The following SEMA3C variants were observed in gnomAD, a reference collection of about 807,000 sequenced individuals.
SEMA3C encodes semaphorin 3C.
In SEMA3C, 47 loss-of-function variants were observed where a neutral mutation model predicts 89.4. The ratio of observed to expected loss-of-function variants is 0.53; its 90% CI spans 0.42 to 0.67. SEMA3C has a LOEUF of 0.67. Ranked by LOEUF, SEMA3C falls within the 30% of genes least tolerant of loss-of-function variation. SEMA3C has a pLI of 0.00. For synonymous variants in SEMA3C, 310 were observed against 320.2 expected (o/e 0.97, Z 0.34); for missense variants, 839 against 929.1 (o/e 0.90, Z 1.26).
intron 2 of SEMA3C, among the ~76,000 whole-genome samples, chr7:80,836,100 T>C (rs186133775): frequency 6.6e-6 from 1 of 152,310 alleles, no homozygotes; most frequent in East Asian, 1.9e-4. Flanking sequence ...CCAAATTTTC[T>C]TTGCCAGTCG....
intron 2 of SEMA3C, among the ~76,000 whole-genome samples, chr7:80,892,138 G>C (rs1791630094): frequency 6.6e-6 from 1 of 152,014 alleles, no homozygotes; most frequent in African/African-American, 2.4e-5. Flanking sequence ...AGAATTGTAG[G>C]ATCACAGACA....
chr7:80,851,504 T>TAAAAAAAAAAAAAAAAAA (rs35936052), intron 2 of SEMA3C, among the ~76,000 whole-genome samples: 3 of 69,792 alleles, frequency 4.3e-5, no homozygotes, highest in African/African-American at 1.6e-4. Flanking sequence ...CTCTTGTCTT[T>TAAAAAAAAAAAAAAAAAA]AAAAAAAAAA....
chr7:80,768,363 A>C (rs1304937333), intron 12 of SEMA3C, among the ~76,000 whole-genome samples: 1 of 151,910 alleles, frequency 6.6e-6, no homozygotes, highest in Non-Finnish European at 1.5e-5. Flanking sequence ...AAATACAAAA[A>C]ATTAGCCAGG....
At chr7:80,817,132 A>G (rs1789626357) in intron 5 of SEMA3C, among the ~76,000 whole-genome samples, 1 of 152,202 alleles carries the variant, frequency 6.6e-6, no homozygotes, top group Admixed American at 6.5e-5. Context: ...AAGAATTGTA[A>G]TATTTCATAG....
Position 80,751,302 on chromosome 7 carries a change from G to T in SEMA3C, c.1678C>A (p.Pro560Thr). ...SRRQDVRHGN[P>T]LTQCRGFNLK... ...TTAAATCCTCTGCATTGAGTCAGTG[G>T]GTTTCCATGTCTCACATCTTGTCTT... Residue 560 changes from proline (P) to threonine (T), a missense_variant, in exon 16 of 18, where the codon CCA (proline) becomes ACA (threonine). Transcript: ENST00000265361. 6.2e-7 allele frequency: 1 copy of T among 1,613,880 alleles called. No homozygotes were observed. The highest frequency in any genetic ancestry group is 1.6e-4 in the Middle Eastern group (1 of 6,062).
chr7:80,805,732 T>C lies in SEMA3C; in HGVS notation c.565A>G (p.Ile189Val). Residue 189 changes from isoleucine (I) to valine (V), a missense_variant, in exon 7 of 18, where the codon ATA becomes GTA. By Grantham distance (29) the Ile-to-Val change is conservative. Coordinates refer to ENST00000265361, the MANE Select transcript of SEMA3C (RefSeq NM_006379.5). ...INEELFSGMY[I>V]DFMGTDAAIF... The stretch of plus-strand genomic sequence containing the variant: ...GCAGCATCTGTCCCCATGAAATCTA[T>C]ATACATTCCAGAGAAAAGCTCCTCA... 1.2e-6 allele frequency: 2 copies of C among 1,605,646 alleles called. No homozygotes were observed. Among genetic ancestry groups the C allele is most frequent in the Non-Finnish European group, 1.7e-6 (2 of 1,173,372 alleles).
intron 2 of SEMA3C, among the ~76,000 whole-genome samples, chr7:80,864,073 T>C (rs1033118692): frequency 6.6e-6 from 1 of 151,686 alleles, no homozygotes; most frequent in Admixed American, 6.6e-5. Context: ...TAAAAACGAA[T>C]GAATTAACAG....
intron 14 of SEMA3C, among the ~76,000 whole-genome samples, chr7:80,761,178 A>C (rs371757251): frequency 6.6e-6 from 1 of 152,314 alleles, no homozygotes; most frequent in East Asian, 1.9e-4. Flanking sequence ...TAAGCATAAA[A>C]GAATACACTG....
chr7:80,874,285 G>A (rs529954495), intron 2 of SEMA3C, among the ~76,000 whole-genome samples: 6 of 152,194 alleles, frequency 3.9e-5, no homozygotes, highest in African/African-American at 1.4e-4. Context: ...TTCCTTAGGT[G>A]CTTTTCTCAC....
chr7:80,852,911 C>T (rs868282080), intron 2 of SEMA3C, among the ~76,000 whole-genome samples: 1 of 152,168 alleles, frequency 6.6e-6, no homozygotes, highest in South Asian at 2.1e-4. Context: ...ATCTCCTGAC[C>T]TCGTGATCCG....
intron 11 of SEMA3C, among the ~76,000 whole-genome samples, chr7:80,794,081 T>C (rs919891197): frequency 6.6e-6 from 1 of 152,032 alleles, no homozygotes; most frequent in Non-Finnish European, 1.5e-5. Flanking sequence ...ATCTTCCTTA[T>C]ATTTGCCTCC....
chr7:80,905,332 G>A (rs987736170), intron 2 of SEMA3C, among the ~76,000 whole-genome samples: 1 of 122,686 alleles, frequency 8.2e-6, no homozygotes, highest in Non-Finnish European at 1.7e-5. Flanking sequence ...GAGGGGGAGG[G>A]GTGGAGAGAG....
intron 5 of SEMA3C, among the ~76,000 whole-genome samples, chr7:80,815,162 T>G (rs1316872848): frequency 1.3e-5 from 2 of 152,108 alleles, no homozygotes; most frequent in African/African-American, 4.8e-5. Context: ...GAGAAAATAA[T>G]AGAGAGTAGG....
chr7:80,778,083 T>C (rs889804741), intron 12 of SEMA3C, among the ~76,000 whole-genome samples: 1 of 152,328 alleles, frequency 6.6e-6, no homozygotes, highest in South Asian at 2.1e-4. Context: ...ACCCCCATAA[T>C]ATGGTATTGG....
intron 12 of SEMA3C, among the ~76,000 whole-genome samples, chr7:80,775,985 A>C (rs73137713): frequency 0.11 from 16,524 of 152,086 alleles, 1,002 homozygotes; most frequent in Non-Finnish European, 0.14. Flanking sequence ...ACTGAAATAT[A>C]TGTTCCTGTT....
rs543517098 is a variant in SEMA3C, at chr7:80,845,437, T to C, written c.104-16692A>G. On this transcript the variant is annotated intron_variant, in intron 2 of 17. Transcript: ENST00000265361. ...AGACAGCATACTCACAACACTAGAA[T>C]ACAAGGCAGTATATGATAAATGCCT... is the stretch of plus-strand genomic sequence containing the variant. Among the ~76,000 whole-genome samples the C allele has an allele frequency of 3.3e-5, 5 of 152,144 alleles. No homozygotes were observed. The East Asian group carries it at 7.8e-4, about 24-fold the overall frequency.
chr7:80,876,615 TG>T (rs1791209636), intron 2 of SEMA3C, among the ~76,000 whole-genome samples: 1 of 152,236 alleles, frequency 6.6e-6, no homozygotes, highest in Non-Finnish European at 1.5e-5. Context: ...ATAATGAGAA[TG>T]TTACCAAATT....
intron 3 of SEMA3C, 33 bp downstream of exon 3, chr7:80,828,552 T>C: frequency 1.9e-6 from 3 of 1,548,172 alleles, no homozygotes; most frequent in Non-Finnish European, 1.8e-6. Flanking sequence ...ATTGAAAAGG[T>C]GGACACTGTC....
chr7:80,764,482 T>C (rs796988448), intron 13 of SEMA3C, among the ~76,000 whole-genome samples: 7 of 152,258 alleles, frequency 4.6e-5, no homozygotes, highest in African/African-American at 1.7e-4. Context: ...AAATCCCCTC[T>C]CCTGGCTCAC....
Sources: gnomAD v4.1 joint callset for allele counts (sites outside exome capture counted in the v4.1 genomes callset) on GRCh38, gnomAD v4.1.1 for gene constraint, MANE v1.5 for transcripts, NCBI Gene and HGNC (gene_info 2026-07-23, HGNC 2026-07-21) for gene names.